Variants in TMBIM6 observed in about 807,000 individuals in gnomAD.
TMBIM6 encodes bax inhibitor 1.
TMBIM6 carries 13 observed loss-of-function variants against 31.4 expected under a neutral mutation model. That is an observed-to-expected ratio of 0.41 (90% CI 0.27 to 0.66). TMBIM6 has a LOEUF of 0.66. Ranked by LOEUF, TMBIM6 falls within the 30% of genes least tolerant of loss-of-function variation. The pLI is 0.28. For synonymous variants in TMBIM6, 85 were observed against 101.7 expected, an observed-to-expected ratio of 0.84 and a Z score of 0.99; for missense variants, 275 against 289.5, an observed-to-expected ratio of 0.95 and a Z score of 0.36.
intron 1 of TMBIM6, chr12:49,750,796 A>C (rs1176361240): frequency 6.6e-6 from 1 of 152,270 alleles, no homozygotes; most frequent in Non-Finnish European, 1.5e-5. Flanking sequence ...AGAGAGCCTC[A>C]GGAAGCAGAT....
intron 1 of TMBIM6, chr12:49,750,608 AG>A (rs1407428350): frequency 6.6e-6 from 1 of 152,278 alleles, no homozygotes; most frequent in Admixed American, 6.5e-5. Flanking sequence ...AAGAGGGCCC[AG>A]ATCCGTGTGA....
At chr12:49,742,048 T>C in intron 1 of TMBIM6, 1 of 1,530,374 alleles carries the variant, frequency 6.5e-7, no homozygotes, top group Non-Finnish European at 8.8e-7. Flanking sequence ...ATCCGATTGC[T>C]GTTCGGCTGC....
chr12:49,757,227 ACT>A (rs967719476), intron 4 of TMBIM6, among the ~76,000 whole-genome samples: 27 of 151,984 alleles, frequency 1.8e-4, no homozygotes, highest in African/African-American at 5.1e-4. Flanking sequence ...ATTAGGGGAA[ACT>A]CTGTGAGTAG....
Position 49,763,056 on chromosome 12 carries a change from T to A in TMBIM6, c.*160T>A. 1 of 776,134 alleles carries A rather than the reference T, an allele frequency of 1.3e-6. No individual in the cohort carries two copies. Among genetic ancestry groups the A allele is most frequent in the Admixed American group, 2.5e-5 (1 of 40,514 alleles). The allele number at this position is 776,134 out of a possible 1,614,324, so 48.1% of individuals were successfully genotyped here. ...ATTTTGAATTTTTTGATCAAAAAAC[T>A]GATTAGCAGAATATAGTTTGGAGTT... is the stretch of plus-strand genomic sequence containing the variant. On this transcript the variant is annotated 3_prime_UTR_variant, in exon 10 of 10. Transcript: ENST00000267115.
intron 9 of TMBIM6, among the ~76,000 whole-genome samples, chr12:49,762,496 C>T (rs1008329580): frequency 4.6e-5 from 7 of 152,176 alleles, no homozygotes; most frequent in East Asian, 1.9e-4. Flanking sequence ...GCACTTCTCG[C>T]GCCTAATGGT....
chr12:49,752,890 A>C, intron 2 of TMBIM6, 83 bp from the exon 3 acceptor site: 1 of 1,249,050 alleles, frequency 8.0e-7, no homozygotes, highest in South Asian at 1.4e-5. Context: ...ATTCCCAGGA[A>C]GGGAAAGAGA....
intron 2 of TMBIM6, 83 bp downstream of exon 2, chr12:49,752,632 G>A: frequency 1.7e-6 from 2 of 1,187,858 alleles, no homozygotes; most frequent in Non-Finnish European, 2.5e-6. Context: ...TAACTTTTGT[G>A]TGTATAAGCT....
At chr12:49,756,413 C>T (rs1020559148) in intron 4 of TMBIM6, among the ~76,000 whole-genome samples, 7 of 143,700 alleles carry the variant, frequency 4.9e-5, no homozygotes, top group African/African-American at 1.8e-4. Flanking sequence ...GGATGACAGG[C>T]GTGAGCCATA....
At chr12:49,742,533 C>T (rs569321546) in intron 1 of TMBIM6, 8 of 378,212 alleles carry the variant, frequency 2.1e-5, no homozygotes, top group African/African-American at 1.5e-4. Flanking sequence ...AGACTGTGTT[C>T]TAGCAACTTG....
At position 49,763,018 on chromosome 12, in the gene TMBIM6, T is replaced by C. The variant is rs1945749619; in HGVS notation, c.*122T>C. 1 of 1,142,540 alleles carries C rather than the reference T, an allele frequency of 8.8e-7. No individual in the cohort carries two copies. The highest frequency in any genetic ancestry group is 2.2e-5 in the Admixed American group (1 of 45,084). The allele number at this position is 1,142,540 out of a possible 1,614,324, so 70.8% of individuals were successfully genotyped here. ...AAGCATCAGAAAAGCTTTTGTACTT[T>C]GTGGTTTCCTCTATTTTGAATTTTT... On this transcript the variant is annotated 3_prime_UTR_variant, in exon 10 of 10. Coordinates refer to ENST00000267115, the MANE Select transcript of TMBIM6 (RefSeq NM_003217.3).
chr12:49,763,039 T>G lies in TMBIM6; in HGVS notation c.*143T>G. 1.1e-6 allele frequency: 1 copy of G among 947,754 alleles called. No individual in the cohort carries two copies. The highest frequency in any genetic ancestry group is 1.6e-6 in the Non-Finnish European group (1 of 638,952). 58.7% of individuals were successfully genotyped at this position (947,754 alleles called of 1,614,324 possible). On this transcript the variant is annotated 3_prime_UTR_variant, in exon 10 of 10. Transcript: ENST00000267115. ...ACTTTGTGGTTTCCTCTATTTTGAA[T>G]TTTTTGATCAAAAAACTGATTAGCA... is the stretch of plus-strand genomic sequence containing the variant.
At chr12:49,745,108 A>T (rs1321614479) in intron 1 of TMBIM6, among the ~76,000 whole-genome samples, 1 of 152,154 alleles carries the variant, frequency 6.6e-6, no homozygotes, top group Non-Finnish European at 1.5e-5. Context: ...ACCTGGGAAG[A>T]TCAAAGCTTG....
intron 4 of TMBIM6, among the ~76,000 whole-genome samples, chr12:49,757,293 T>A (rs1387191944): frequency 6.6e-6 from 1 of 152,212 alleles, no homozygotes; most frequent in East Asian, 1.9e-4. Context: ...CTTGAATGAA[T>A]GAGGTTCAAG....
intron 4 of TMBIM6, among the ~76,000 whole-genome samples, chr12:49,756,143 T>C (rs1945588088): frequency 6.7e-6 from 1 of 150,306 alleles, no homozygotes; most frequent in Non-Finnish European, 1.5e-5. Flanking sequence ...CTTTTTTTCC[T>C]TTTTTTTTGA....
chr12:49,745,735 A>ACAAAAAACAAAAAAAAAC (rs1555227997), intron 1 of TMBIM6, among the ~76,000 whole-genome samples: 8 of 150,502 alleles, frequency 5.3e-5, no homozygotes, highest in African/African-American at 1.7e-4. Context: ...AAAAAAAAAA[A>ACAAAAAACAAAAAAAAAC]CCCAGCACAT....
At chr12:49,742,466 CTT>C in intron 1 of TMBIM6, 1 of 756,498 alleles carries the variant, frequency 1.3e-6, no homozygotes, top group Non-Finnish European at 1.9e-6. Flanking sequence ...GCCCGGGCTG[CTT>C]GGGGTCATCA....
At chr12:49,753,148 G>T (rs1945527056) in intron 3 of TMBIM6, 67 bp downstream of exon 3, 2 of 1,250,542 alleles carry the variant, frequency 1.6e-6, no homozygotes, top group African/African-American at 3.0e-5. Flanking sequence ...AGCTCAGCAA[G>T]GTGGTCCAAG....
intron 8 of TMBIM6, among the ~76,000 whole-genome samples, 187 bp from the exon 9 acceptor site, chr12:49,761,517 T>A (rs1388390675): frequency 1.3e-5 from 2 of 152,204 alleles, no homozygotes; most frequent in African/African-American, 4.8e-5. Context: ...GTCTCTTTTC[T>A]CTATGCTGCA....
Position 49,758,406 on chromosome 12 carries a change from G to T in TMBIM6, c.359G>T (p.Gly120Val). 6.2e-7 allele frequency: 1 copy of T among 1,614,120 alleles called. No individual in the cohort carries two copies. Among genetic ancestry groups the T allele is most frequent in the Non-Finnish European group, 8.5e-7 (1 of 1,180,028 alleles). ...NPSILPTAFMGTAMIFTCFTL... is the reference protein window; with the variant it reads ...NPSILPTAFMVTAMIFTCFTL... ...AGCATCCTTCCCACTGCTTTCATGGGCACGGCAATGATCTTTACCTGCTTC... is the reference window on the plus strand; with the variant it reads ...AGCATCCTTCCCACTGCTTTCATGGTCACGGCAATGATCTTTACCTGCTTC... The change falls in exon 6 of 10, where the codon GGC becomes GTC. Residue 120 changes from glycine (G) to valine (V), a missense_variant. Physicochemically the swap from Gly to Val is moderately radical, Grantham distance 109. Transcript: ENST00000267115.
Sources: allele counts gnomAD v4.1 joint callset (sites outside exome capture counted in the v4.1 genomes callset), GRCh38; gene constraint gnomAD v4.1.1; transcripts MANE v1.5; gene names NCBI Gene and HGNC (gene_info 2026-07-23, HGNC 2026-07-21).